Variants in MAU2 observed in about 807,000 individuals in gnomAD.
The protein encoded by MAU2 is MAU2 sister chromatid cohesion factor, also known as MAU2 chromatid cohesion factor homolog.
MAU2 carries 9 observed loss-of-function variants against 89.1 expected under a neutral mutation model. The ratio of observed to expected loss-of-function variants is 0.10; its 90% CI spans 0.06 to 0.18. The LOEUF (loss-of-function observed/expected upper bound fraction) is 0.18. MAU2 is among the 10% of genes least tolerant of loss of function. The pLI, the probability that MAU2 is intolerant of heterozygous loss-of-function variation, is 1.00. For missense variants in MAU2, 425 were observed against 803.5 expected, an observed-to-expected ratio of 0.53 and a Z score of 5.69; for synonymous variants, 357 against 343.4, an observed-to-expected ratio of 1.04 and a Z score of -0.44.
chr19:19,325,175 T>G (rs535062634), intron 1 of MAU2, among the ~76,000 whole-genome samples: 2 of 152,218 alleles, frequency 1.3e-5, no homozygotes, highest in Admixed American at 1.3e-4. Context: ...TACTTTTATT[T>G]TATTTATTTA....
At position 19,345,070 on chromosome 19, in the gene MAU2, T is replaced by C. The variant is rs2061682277; in HGVS notation, c.1155+144T>C. The C allele has an allele frequency of 1.2e-6, 1 of 811,100 alleles. No individual in the cohort carries two copies. The highest frequency in any genetic ancestry group is 1.6e-5 in the South Asian group (1 of 63,316). 50.2% of individuals were successfully genotyped at this position (811,100 alleles called of 1,614,324 possible). A position where few individuals can be genotyped will look rare whatever the true frequency, so the allele number is the denominator to read the frequency against. On this transcript the variant is annotated intron_variant, in intron 11 of 18. Coordinates refer to ENST00000262815, the MANE Select transcript of MAU2 (RefSeq NM_015329.4). This position sits in a 1 kb window ranked among gnomAD's most constrained non-coding sequence, Gnocchi z 4.9. ...CGGAATGTTCCCATAGGTAATCATA[T>C]AACCTTCCCAGGCACGATCCGGAAT...
At position 19,330,677 on chromosome 19, in the gene MAU2, G is replaced by A. The variant is rs529765952; in HGVS notation, c.277-5041G>A. 2.6e-5 allele frequency among the ~76,000 whole-genome samples: 4 copies of A among 152,218 alleles called. No homozygotes were observed. In the East Asian group the frequency reaches 7.8e-4, roughly 30 times the overall value. ...ATCGCTTGAACCCGGGAGCCGGAGG[G>A]TGCCATGAGCCAAGATCACACCATT... On this transcript the variant is annotated intron_variant, in intron 1 of 18. Coordinates refer to ENST00000262815, the MANE Select transcript of MAU2 (RefSeq NM_015329.4).
intron 9 of MAU2, among the ~76,000 whole-genome samples, chr19:19,343,072 C>T (rs1405232955): frequency 6.6e-6 from 1 of 152,202 alleles, no homozygotes; most frequent in Non-Finnish European, 1.5e-5. Context: ...GGGTACCTCC[C>T]TGACTGGTCA....
At chr19:19,354,724 T>C in intron 17 of MAU2, 1 of 484,360 alleles carries the variant, frequency 2.1e-6, no homozygotes. Flanking sequence ...CGTGGCGCTC[T>C]CAGCCTTGCT....
intron 16 of MAU2, chr19:19,352,545 A>G (rs2061753851): frequency 6.6e-6 from 1 of 152,294 alleles, no homozygotes; most frequent in Non-Finnish European, 1.5e-5. Flanking sequence ...CTCTGAGCAC[A>G]GTGAGGGCTG....
At chr19:19,323,148 A>T (rs963409763) in intron 1 of MAU2, among the ~76,000 whole-genome samples, 25 of 151,622 alleles carry the variant, frequency 1.6e-4, no homozygotes, top group Non-Finnish European at 3.1e-4. Flanking sequence ...CGGCCTCCCA[A>T]AGTGCTGAGA....
Position 19,355,411 on chromosome 19 carries a change from G to A in MAU2, c.1767+20G>A, listed in dbSNP as rs953590983. 7 of 1,613,170 alleles carry A rather than the reference G, an allele frequency of 4.3e-6. No homozygotes were observed. Among genetic ancestry groups the A allele is most frequent in the African/African-American group, 1.3e-5 (1 of 74,908 alleles). On this transcript the variant is annotated intron_variant, in intron 18 of 18. Transcript: ENST00000262815. ...ATCACGGTACGGGTGTGGGTGTTAGGGGACGGGATCAGGACTAGCGGGCTC... is the reference window on the plus strand; with the variant it reads ...ATCACGGTACGGGTGTGGGTGTTAGAGGACGGGATCAGGACTAGCGGGCTC...
rs2048194741 is a variant in MAU2 at position 19,357,610 on chromosome 19, T to TG, written c.*1828_*1829insG. 1 of 152,398 alleles carries TG rather than the reference T, an allele frequency of 6.6e-6. No individual in the cohort carries two copies. The highest frequency in any genetic ancestry group is 1.5e-5 in the Non-Finnish European group (1 of 68,014). The allele number at this position is 152,398 out of a possible 1,614,324, so 9.4% of individuals were successfully genotyped here. A position where few individuals can be genotyped will look rare whatever the true frequency, so the allele number is the denominator to read the frequency against. On this transcript the variant is annotated 3_prime_UTR_variant, in exon 19 of 19. Transcript: ENST00000262815. The stretch of plus-strand genomic sequence containing the variant: ...AAGCCTTTCTTTGCTTGTAGGGCAT[T>TG]TTGTATGTAGAGCAGTTGAAAACAG...
At chr19:19,338,800 C>A in intron 4 of MAU2, 45 bp from the exon 5 acceptor site, 1 of 1,479,044 alleles carries the variant, frequency 6.8e-7, no homozygotes. Flanking sequence ...TACCGTAAAA[C>A]TGATGGGTTT....
intron 16 of MAU2, among the ~76,000 whole-genome samples, chr19:19,350,243 C>T (rs1018986946): frequency 7.1e-6 from 1 of 140,000 alleles, no homozygotes; most frequent in Non-Finnish European, 1.5e-5. Context: ...TTGCATTGAA[C>T]GGAGATCATG....
chr19:19,355,083 A>G, intron 17 of MAU2, 181 bp from the exon 18 acceptor site: 1 of 737,648 alleles, frequency 1.4e-6, no homozygotes, highest in Admixed American at 2.8e-5. Flanking sequence ...CTGCCCTATG[A>G]GGGCGGCTGG....
intron 12 of MAU2, chr19:19,347,037 TG>T (rs1324355110): frequency 5.9e-6 from 3 of 510,928 alleles, no homozygotes; most frequent in Non-Finnish European, 1.1e-5. Context: ...AGGGTAGGAT[TG>T]GGGTGGCTGG....
At chr19:19,323,759 CA>C (rs1344673793) in intron 1 of MAU2, among the ~76,000 whole-genome samples, 1 of 152,208 alleles carries the variant, frequency 6.6e-6, no homozygotes, top group Non-Finnish European at 1.5e-5. Context: ...GCTGGAACTA[CA>C]GGCTTGAGCC....
intron 1 of MAU2, among the ~76,000 whole-genome samples, chr19:19,325,840 T>G (rs1186513360): frequency 6.6e-6 from 1 of 152,222 alleles, no homozygotes; most frequent in Non-Finnish European, 1.5e-5. Context: ...AAACCTATTA[T>G]TGGCCCCTGA....
In MAU2 at chr19:19,321,029, T is replaced by A. The variant is rs749552628; in HGVS notation, c.170T>A (p.Phe57Tyr). The A allele has an allele frequency of 6.2e-7, 1 of 1,612,578 alleles. No individual in the cohort carries two copies. Among genetic ancestry groups the A allele is most frequent in the Non-Finnish European group, 8.5e-7 (1 of 1,179,390 alleles). Reference protein sequence around the residue: ...CVHCLQAVFPFKPPQRIEART... With the variant: ...CVHCLQAVFPYKPPQRIEART... ...CACTGCCTGCAGGCCGTGTTCCCCTTCAAGCCGCCGCAGCGCATCGAGGCC... is the reference window on the plus strand; with the variant it reads ...CACTGCCTGCAGGCCGTGTTCCCCTACAAGCCGCCGCAGCGCATCGAGGCC... The change falls in exon 1 of 19, where the codon TTC becomes TAC. Residue 57 changes from phenylalanine to tyrosine, a missense_variant. Physicochemically the swap from Phe to Tyr is conservative, Grantham distance 22. Coordinates refer to ENST00000262815, the MANE Select transcript of MAU2 (RefSeq NM_015329.4).
Position 19,320,942 on chromosome 19 carries a change from C to T in MAU2, c.83C>T (p.Ala28Val), listed in dbSNP as rs567218666. The T allele has an allele frequency of 6.3e-7, 1 of 1,579,116 alleles. No individual in the cohort carries two copies. The highest frequency in any genetic ancestry group is 1.8e-5 in the Admixed American group (1 of 55,064). The change falls in exon 1 of 19, where the codon GCG (alanine) becomes GTG (valine). Residue 28 changes from alanine to valine, a missense_variant. Transcript: ENST00000262815. ...QAEAADSWYLALLGFAEHFRT... is the reference protein window; with the variant it reads ...QAEAADSWYLVLLGFAEHFRT... The stretch of plus-strand genomic sequence containing the variant: ...GAGGCGGCCGACTCGTGGTACCTGG[C>T]GCTTCTGGGCTTCGCTGAGCACTTC...
intron 3 of MAU2, 46 bp from the exon 4 acceptor site, chr19:19,337,124 G>GTTTTTTTTTT: frequency 5.2e-6 from 6 of 1,161,256 alleles, no homozygotes; most frequent in South Asian, 2.8e-5. Context: ...TTGCCGCCTT[G>GTTTTTTTTTT]TTTTTTTTTT....
At chr19:19,342,033 TTG>T (rs2061652610) in intron 7 of MAU2, among the ~76,000 whole-genome samples, 1 of 152,110 alleles carries the variant, frequency 6.6e-6, no homozygotes, top group Non-Finnish European at 1.5e-5. Flanking sequence ...TCGTTGCCCA[TTG>T]GGTGAAGCAC....
At chr19:19,339,440 C>T (rs967899127) in intron 5 of MAU2, among the ~76,000 whole-genome samples, 47 of 149,320 alleles carry the variant, frequency 3.1e-4, no homozygotes, top group South Asian at 2.0e-3. Context: ...AGCGAGACTC[C>T]GTCTCAAAAA....
Sources: allele counts gnomAD v4.1 joint callset (sites outside exome capture counted in the v4.1 genomes callset), GRCh38; gene constraint gnomAD v4.1.1; non-coding constraint Gnocchi (gnomAD v3.1); transcripts MANE v1.5; gene names NCBI Gene and HGNC (gene_info 2026-07-23, HGNC 2026-07-21).